OR2L13: variants seen among roughly 807,000 people sequenced by gnomAD.
The protein encoded by OR2L13 is olfactory receptor family 2 subfamily L member 13, also known as olfactory receptor 2L13.
Under a neutral mutation model 15.3 loss-of-function variants are expected in OR2L13, and 14 were observed. The observed-to-expected ratio is 0.91, with a 90% CI of 0.60 to 1.43. The LOEUF (loss-of-function observed/expected upper bound fraction) is 1.43. Among genes scored for constraint, OR2L13 ranks in the 40% most tolerant of loss-of-function variants. The pLI, the probability that OR2L13 is intolerant of heterozygous loss-of-function variation, is 0.00. For synonymous variants in OR2L13, 152 were observed against 142.9 expected (o/e 1.06, Z -0.45); for missense variants, 367 against 387.9 (o/e 0.95, Z 0.45).
chr1:248,068,676 G>T, the OR2L13 span, among the ~76,000 whole-genome samples: 1 of 152,122 alleles, frequency 6.6e-6, no homozygotes, highest in African/African-American at 2.4e-5. Flanking sequence ...AAACTACTCC[G>T]AGCTACAGGA....
the OR2L13 span, among the ~76,000 whole-genome samples, chr1:247,960,747 G>A: frequency 3.3e-5 from 5 of 152,200 alleles, no homozygotes; most frequent in African/African-American, 2.4e-5. Flanking sequence ...AGCTAGGCGC[G>A]GGATTAATCT....
At chr1:248,077,531 C>G in the OR2L13 span, among the ~76,000 whole-genome samples, 1 of 152,114 alleles carries the variant, frequency 6.6e-6, no homozygotes, top group African/African-American at 2.4e-5. Context: ...TGTTATTTGT[C>G]TATTCAGAAA....
chr1:248,049,227 T>C, the OR2L13 span, among the ~76,000 whole-genome samples: 1 of 152,190 alleles, frequency 6.6e-6, no homozygotes, highest in Non-Finnish European at 1.5e-5. Context: ...AGACTATGTT[T>C]GAAAAATCTT....
the OR2L13 span, among the ~76,000 whole-genome samples, chr1:248,066,345 G>A: frequency 3.3e-5 from 5 of 152,262 alleles, no homozygotes; most frequent in East Asian, 9.6e-4. Flanking sequence ...AGTGGGTGAG[G>A]TAGAGGTGAT....
the OR2L13 span, among the ~76,000 whole-genome samples, chr1:248,064,359 A>G: frequency 6.6e-6 from 1 of 152,172 alleles, no homozygotes; most frequent in Non-Finnish European, 1.5e-5. Context: ...GCCATCGTCT[A>G]TGAACCAGAA....
chr1:247,995,410 A>G, the OR2L13 span, among the ~76,000 whole-genome samples: 1 of 152,202 alleles, frequency 6.6e-6, no homozygotes, highest in Non-Finnish European at 1.5e-5. Context: ...GTTGCACTTG[A>G]GTACCTGCTC....
At chr1:248,081,465 A>G in the OR2L13 span, among the ~76,000 whole-genome samples, 1 of 152,110 alleles carries the variant, frequency 6.6e-6, no homozygotes, top group African/African-American at 2.4e-5. Context: ...TTATTCTTCC[A>G]AAATTTTATA....
At chr1:248,045,973 TA>T in the OR2L13 span, 1 of 152,138 alleles carries the variant, frequency 6.6e-6, no homozygotes, top group African/African-American at 2.4e-5. Context: ...AATACATGTT[TA>T]AAAAATTCAA....
the OR2L13 span, chr1:248,038,712 A>G: frequency 6.2e-7 from 1 of 1,614,128 alleles, no homozygotes; most frequent in Non-Finnish European, 8.5e-7. Context: ...AGGATCTTGG[A>G]TGATAAGCTC....
the OR2L13 span, among the ~76,000 whole-genome samples, chr1:248,010,772 T>G: frequency 4.4e-5 from 6 of 135,780 alleles, no homozygotes; most frequent in African/African-American, 1.6e-4. Context: ...TGTTTTTTTT[T>G]TTTTTTTTTT....
At chr1:248,004,208 C>A in the OR2L13 span, 2 of 688,024 alleles carry the variant, frequency 2.9e-6, no homozygotes, top group African/African-American at 1.8e-5. Flanking sequence ...GATTTCTGGA[C>A]AAAATTGTTT....
At chr1:247,965,263 T>C in the OR2L13 span, 3 of 1,284,768 alleles carry the variant, frequency 2.3e-6, no homozygotes, top group African/African-American at 3.0e-5. Context: ...TTGCCAAACA[T>C]GTAAGTGAAT....
the OR2L13 span, among the ~76,000 whole-genome samples, chr1:248,063,793 C>T: frequency 6.8e-6 from 1 of 146,604 alleles, no homozygotes; most frequent in African/African-American, 2.6e-5. Context: ...AAGATGTGTG[C>T]GTGTGTGTGT....
At chr1:248,088,990 C>T in the OR2L13 span, among the ~76,000 whole-genome samples, 13 of 152,112 alleles carry the variant, frequency 8.5e-5, no homozygotes, top group African/African-American at 2.7e-4. Context: ...TGACACTGAC[C>T]GGAGTCTGGA....
the OR2L13 span, among the ~76,000 whole-genome samples, chr1:248,057,850 A>C: frequency 6.6e-6 from 1 of 152,114 alleles, no homozygotes; most frequent in Non-Finnish European, 1.5e-5. Context: ...GCATCCTGTA[A>C]TTTTGCTAAT....
the OR2L13 span, among the ~76,000 whole-genome samples, chr1:248,042,945 G>A: frequency 1.3e-5 from 2 of 152,134 alleles, no homozygotes; most frequent in Non-Finnish European, 2.9e-5. Context: ...ATTTTAAGAA[G>A]ATGCAAAGGC....
At chr1:248,088,261 TA>T in the OR2L13 span, among the ~76,000 whole-genome samples, 1,749 of 147,366 alleles carry the variant, frequency 0.012, 46 homozygotes, top group African/African-American at 0.04. Context: ...CTGCCTTTTA[TA>T]AAAAAAAAAA....
chr1:247,986,103 CTTTAG>C, the OR2L13 span, among the ~76,000 whole-genome samples: 10 of 152,094 alleles, frequency 6.6e-5, no homozygotes, highest in African/African-American at 2.4e-4. Flanking sequence ...TGCAGAAGCT[CTTTAG>C]TTTAATTAGA....
the OR2L13 span, among the ~76,000 whole-genome samples, chr1:248,084,777 T>TG: frequency 6.6e-6 from 1 of 152,162 alleles, no homozygotes; most frequent in South Asian, 2.1e-4. Flanking sequence ...AGAAAGGCAG[T>TG]GCCAAGGACT....
Sources: gnomAD v4.1 joint callset for allele counts (sites outside exome capture counted in the v4.1 genomes callset) on GRCh38, gnomAD v4.1.1 for gene constraint, MANE v1.5 for transcripts, NCBI Gene and HGNC (gene_info 2026-07-23, HGNC 2026-07-21) for gene names.